Variants in ZNF567 observed in about 807,000 individuals in gnomAD.
ZNF567 encodes the protein zinc finger protein 567.
ZNF567 carries 36 observed loss-of-function variants against 53.9 expected under a neutral mutation model. The ratio of observed to expected loss-of-function variants is 0.67; its 90% CI spans 0.51 to 0.88. The LOEUF is 0.88. Among genes scored for constraint, ZNF567 ranks in the 40% least tolerant of loss-of-function variants. The pLI, the probability that ZNF567 is intolerant of heterozygous loss-of-function variation, is 0.00. For synonymous variants in ZNF567, 224 were observed against 260.4 expected, an observed-to-expected ratio of 0.86 and a Z score of 1.35; for missense variants, 619 against 764.7, an observed-to-expected ratio of 0.81 and a Z score of 2.25.
chr19:36,696,223 A>G (rs2038878191), intron 3 of ZNF567, among the ~76,000 whole-genome samples: 1 of 151,860 alleles, frequency 6.6e-6, no homozygotes, highest in Non-Finnish European at 1.5e-5. Context: ...CAAAGACACT[A>G]CTCTTTCTTG....
At chr19:36,716,562 G>A (rs2040074956) in intron 5 of ZNF567, among the ~76,000 whole-genome samples, 1 of 152,128 alleles carries the variant, frequency 6.6e-6, no homozygotes, top group South Asian at 2.1e-4. Flanking sequence ...AAGGAATCAA[G>A]CATTCTTAAG....
chr19:36,702,897 G>C (rs555083339), intron 3 of ZNF567, among the ~76,000 whole-genome samples: 7 of 152,208 alleles, frequency 4.6e-5, no homozygotes, highest in African/African-American at 1.7e-4. Context: ...AGAGTAGTTT[G>C]ATCATCTGAA....
chr19:36,686,091 C>T (rs2038263863), upstream of ZNF567: 1 of 152,250 alleles, frequency 6.6e-6, no homozygotes. Context: ...CACAATATCA[C>T]TTCCACCACA....
At chr19:36,716,166 TC>T (rs2040056344) in intron 5 of ZNF567, among the ~76,000 whole-genome samples, 1 of 152,216 alleles carries the variant, frequency 6.6e-6, no homozygotes, top group African/African-American at 2.4e-5. Flanking sequence ...TCAGGAACTG[TC>T]ACAATAAGCC....
downstream of ZNF567, among the ~76,000 whole-genome samples, chr19:36,722,623 T>A (rs983238600): frequency 3.3e-5 from 5 of 152,204 alleles, no homozygotes; most frequent in Admixed American, 3.3e-4. Context: ...TTAAAAGATT[T>A]AGAACTGTAA....
At chr19:36,702,320 G>A (rs1033605608) in intron 3 of ZNF567, among the ~76,000 whole-genome samples, 6 of 152,158 alleles carry the variant, frequency 3.9e-5, no homozygotes, top group African/African-American at 1.4e-4. Context: ...GCTTCCCTTT[G>A]TGGGTAACCC....
At chr19:36,687,456 G>C (rs777897741), upstream of ZNF567, 4 of 152,340 alleles carry the variant, frequency 2.6e-5, no homozygotes, top group Admixed American at 6.5e-5. Flanking sequence ...AGGGGAACCA[G>C]AGATCAAAGT....
At chr19:36,708,948 C>T (rs544090155) in intron 3 of ZNF567, among the ~76,000 whole-genome samples, 1 of 152,144 alleles carries the variant, frequency 6.6e-6, no homozygotes, top group South Asian at 2.1e-4. Context: ...TTCAACTTAC[C>T]AGGATTTTCT....
the ZNF567 span, among the ~76,000 whole-genome samples, chr19:36,671,927 G>C: frequency 6.6e-6 from 1 of 152,222 alleles, no homozygotes. Flanking sequence ...AGGCACACAT[G>C]TGAAGAAGTG....
chr19:36,695,871 G>A (rs1023321828), intron 3 of ZNF567, among the ~76,000 whole-genome samples: 3 of 152,052 alleles, frequency 2.0e-5, no homozygotes, highest in African/African-American at 7.2e-5. Context: ...CCACAGACTG[G>A]AGTCAAGATG....
the ZNF567 span, among the ~76,000 whole-genome samples, chr19:36,682,433 T>C: frequency 6.6e-6 from 1 of 151,738 alleles, no homozygotes; most frequent in African/African-American, 2.4e-5. Flanking sequence ...ATTCCACCTA[T>C]ATGAAGTTCA....
At chr19:36,723,600 C>T (rs755965294), downstream of ZNF567, among the ~76,000 whole-genome samples, 1 of 152,124 alleles carries the variant, frequency 6.6e-6, no homozygotes, top group African/African-American at 2.4e-5. Context: ...CTTTGGGAGG[C>T]CAAGGTGGGC....
At chr19:36,702,803 G>A (rs2039275499) in intron 3 of ZNF567, among the ~76,000 whole-genome samples, 1 of 152,100 alleles carries the variant, frequency 6.6e-6, no homozygotes, top group Admixed American at 6.5e-5. Context: ...TCTCTGTGTT[G>A]GTTATTCTAG....
intron 2 of ZNF567, 63 bp from the exon 3 acceptor site, chr19:36,694,739 A>T: frequency 1.3e-6 from 1 of 779,312 alleles, no homozygotes; most frequent in Non-Finnish European, 2.0e-6. Context: ...TAATAGAATT[A>T]TAAGAGCTGT....
intron 3 of ZNF567, among the ~76,000 whole-genome samples, chr19:36,698,085 C>T (rs1023647939): frequency 1.1e-4 from 16 of 152,144 alleles, no homozygotes; most frequent in African/African-American, 2.4e-4. Flanking sequence ...TCTCCCCACC[C>T]GACAACAGTC....
intron 3 of ZNF567, among the ~76,000 whole-genome samples, chr19:36,707,025 G>T (rs1410179084): frequency 6.6e-6 from 1 of 151,820 alleles, no homozygotes; most frequent in East Asian, 1.9e-4. Context: ...TAGATGGTTT[G>T]GTTTTTCTTT....
chr19:36,718,983 T>C lies in ZNF567; in HGVS notation c.259T>C (p.Phe87Leu), dbSNP rs904448038. Reference protein sequence around the residue: ...NWKAEDFLVKFKEHQEKYSRS... With the variant: ...NWKAEDFLVKLKEHQEKYSRS... Reference sequence around the variant, plus strand: ...GAAAGCTGAAGACTTTTTAGTGAAATTCAAGGAACACCAAGAGAAGTATTC... The same window carrying C: ...GAAAGCTGAAGACTTTTTAGTGAAACTCAAGGAACACCAAGAGAAGTATTC... The change falls in exon 6 of 6, where the codon TTC becomes CTC. Residue 87 changes from phenylalanine (F) to leucine (L), a missense_variant. Phe to Leu is a conservative substitution (Grantham distance 22, BLOSUM62 0). Coordinates refer to ENST00000682579, the MANE Select transcript of ZNF567 (RefSeq NM_001322917.1). 1.9e-6 allele frequency: 3 copies of C among 1,573,672 alleles called. No individual in the cohort carries two copies. The highest frequency in any genetic ancestry group is 2.6e-6 in the Non-Finnish European group (3 of 1,167,890).
At chr19:36,699,779 T>C (rs1469827424) in intron 3 of ZNF567, among the ~76,000 whole-genome samples, 1 of 151,606 alleles carries the variant, frequency 6.6e-6, no homozygotes, top group Non-Finnish European at 1.5e-5. Flanking sequence ...TTTTGTATCC[T>C]GAGACTTTCC....
At chr19:36,701,522 G>T (rs1038981485) in intron 3 of ZNF567, among the ~76,000 whole-genome samples, 22 of 152,112 alleles carry the variant, frequency 1.4e-4, no homozygotes, top group Non-Finnish European at 3.1e-4. Context: ...TGACAGTGGG[G>T]TGTTAAAGTC....
Sources: allele counts gnomAD v4.1 joint callset (sites outside exome capture counted in the v4.1 genomes callset), GRCh38; gene constraint gnomAD v4.1.1; transcripts MANE v1.5; gene names NCBI Gene and HGNC (gene_info 2026-07-23, HGNC 2026-07-21).